SGCZ: variants seen among roughly 807,000 people sequenced by gnomAD.
SGCZ encodes zeta-sarcoglycan.
A neutral mutation model predicts 41.3 loss-of-function variants in SGCZ; 40 were observed. The observed-to-expected ratio is 0.97, with a 90% CI of 0.75 to 1.26. The LOEUF is 1.26. Ranked by LOEUF, SGCZ falls within the 50% of genes most tolerant of loss-of-function variation. The pLI is 0.00. For missense variants in SGCZ, 552 were observed against 369.8 expected, an observed-to-expected ratio of 1.49 and a Z score of -4.04; for synonymous variants, 206 against 137.5, an observed-to-expected ratio of 1.50 and a Z score of -3.49.
chr8:15,132,036 T>C lies in SGCZ; in HGVS notation c.39+105549A>G, dbSNP rs575207605. Among the ~76,000 whole-genome samples the C allele has an allele frequency of 5.3e-5, 8 of 152,346 alleles. No homozygotes were observed. The South Asian group carries it at 1.2e-3, about 24-fold the overall frequency. ...TTCTAGAACAAATGTATAATCATAA[T>C]TCTTTCAATGCATTGGTGGAAGTAC... On this transcript the variant is annotated intron_variant, in intron 1 of 7. Coordinates refer to ENST00000382080, the MANE Select transcript of SGCZ (RefSeq NM_139167.4).
chr8:15,217,579 C>A lies in SGCZ; in HGVS notation c.39+20006G>T, dbSNP rs569364298. ...GGGTTATAACCAAGATTCTTGCCCC[C>A]CCTTGTCCCAATTTGCATACTTAAA... On this transcript the variant is annotated intron_variant, in intron 1 of 7. Transcript: ENST00000382080. Among the ~76,000 whole-genome samples the A allele has an allele frequency of 3.9e-5, 6 of 152,152 alleles. No individual in the cohort carries two copies. In the South Asian group the frequency reaches 6.2e-4, roughly 16 times the overall value.
At chr8:15,160,885 T>C (rs988847007) in intron 1 of SGCZ, among the ~76,000 whole-genome samples, 1 of 152,076 alleles carries the variant, frequency 6.6e-6, no homozygotes, top group African/African-American at 2.4e-5. Flanking sequence ...GAGACAGTCT[T>C]GCTTTGTCAC....
At chr8:15,230,968 C>G (rs2053647832) in intron 1 of SGCZ, among the ~76,000 whole-genome samples, 1 of 152,296 alleles carries the variant, frequency 6.6e-6, no homozygotes, top group Admixed American at 6.5e-5. Flanking sequence ...ACGGCAGAGC[C>G]AGGGTTTGAA....
chr8:15,178,271 T>A (rs191871451), intron 1 of SGCZ, among the ~76,000 whole-genome samples: 1 of 152,152 alleles, frequency 6.6e-6, no homozygotes, highest in Non-Finnish European at 1.5e-5. Flanking sequence ...TGCAAGAGCA[T>A]TACATTTTTC....
intron 1 of SGCZ, among the ~76,000 whole-genome samples, chr8:14,919,680 G>A (rs750383033): frequency 6.6e-6 from 1 of 152,144 alleles, no homozygotes; most frequent in Non-Finnish European, 1.5e-5. Flanking sequence ...CACTTTGGGA[G>A]GACGAGGCAG....
At chr8:15,141,580 G>C (rs1001488498) in intron 1 of SGCZ, among the ~76,000 whole-genome samples, 1 of 152,184 alleles carries the variant, frequency 6.6e-6, no homozygotes, top group African/African-American at 2.4e-5. Flanking sequence ...ATCTTCCTTA[G>C]AAGGCTCTGC....
At chr8:14,310,619 G>A (rs1461011551) in intron 3 of SGCZ, among the ~76,000 whole-genome samples, 3 of 152,006 alleles carry the variant, frequency 2.0e-5, no homozygotes, top group African/African-American at 7.2e-5. Context: ...AAGGAGTAAA[G>A]CAGTCCCATT....
intron 1 of SGCZ, among the ~76,000 whole-genome samples, chr8:14,602,063 T>C (rs893050611): frequency 4.6e-5 from 7 of 151,866 alleles, no homozygotes; most frequent in African/African-American, 1.2e-4. Flanking sequence ...GAGCTTGCAG[T>C]GAGCCGAGAT....
chr8:15,047,063 C>T (rs1283718740), intron 1 of SGCZ, among the ~76,000 whole-genome samples: 1 of 151,968 alleles, frequency 6.6e-6, no homozygotes, highest in African/African-American at 2.4e-5. Context: ...TTTGATAGTT[C>T]TAAGGCTTTG....
At chr8:14,463,007 A>T (rs183403955) in intron 2 of SGCZ, among the ~76,000 whole-genome samples, 125 of 151,890 alleles carry the variant, frequency 8.2e-4, no homozygotes, top group African/African-American at 3.0e-3. Context: ...TAATGTATAA[A>T]ATACAACTGA....
chr8:14,970,532 C>T (rs1299236589), intron 1 of SGCZ, among the ~76,000 whole-genome samples: 1 of 152,086 alleles, frequency 6.6e-6, no homozygotes, highest in Admixed American at 6.5e-5. Context: ...ATATGAATAG[C>T]TAGTAATTCC....
chr8:15,108,138 GATTA>G (rs1806901959), intron 1 of SGCZ, among the ~76,000 whole-genome samples: 1 of 151,870 alleles, frequency 6.6e-6, no homozygotes, highest in African/African-American at 2.4e-5. Context: ...TTTTTATCTT[GATTA>G]ATTTATTCCT....
chr8:14,869,754 A>C (rs1432968918), intron 1 of SGCZ, among the ~76,000 whole-genome samples: 1 of 152,178 alleles, frequency 6.6e-6, no homozygotes, highest in Non-Finnish European at 1.5e-5. Flanking sequence ...CAGGATACAC[A>C]ATCAATGTGA....
chr8:14,128,021 T>A (rs2117050561), intron 5 of SGCZ, among the ~76,000 whole-genome samples: 1 of 152,326 alleles, frequency 6.6e-6, no homozygotes, highest in South Asian at 2.1e-4. Flanking sequence ...GAATATACGG[T>A]ATTTGGTTTT....
intron 5 of SGCZ, among the ~76,000 whole-genome samples, chr8:14,153,436 G>C (rs1465286512): frequency 6.6e-6 from 1 of 152,072 alleles, no homozygotes; most frequent in Non-Finnish European, 1.5e-5. Context: ...TACCTAACCT[G>C]GTCAGAGTAA....
chr8:14,202,403 G>T (rs1805483243), intron 4 of SGCZ, among the ~76,000 whole-genome samples: 1 of 152,034 alleles, frequency 6.6e-6, no homozygotes, highest in African/African-American at 2.4e-5. Flanking sequence ...ATTTTGTGGT[G>T]GTGTAAGACA....
intron 1 of SGCZ, among the ~76,000 whole-genome samples, chr8:15,061,585 C>A (rs1195033388): frequency 6.6e-6 from 1 of 151,728 alleles, no homozygotes; most frequent in Non-Finnish European, 1.5e-5. Flanking sequence ...GCTTGAGAGA[C>A]TGGATTCATT....
intron 2 of SGCZ, among the ~76,000 whole-genome samples, chr8:14,328,812 G>A (rs1775198884): frequency 6.6e-6 from 1 of 152,168 alleles, no homozygotes; most frequent in Admixed American, 6.5e-5. Context: ...TATTAGGCCA[G>A]GAGGGCTCCT....
chr8:15,168,122 G>A (rs1322781146), intron 1 of SGCZ, among the ~76,000 whole-genome samples: 2 of 152,010 alleles, frequency 1.3e-5, no homozygotes, highest in East Asian at 3.9e-4. Flanking sequence ...CTTAGCATTT[G>A]GCTTATGTTA....
Sources: allele counts gnomAD v4.1 joint callset (sites outside exome capture counted in the v4.1 genomes callset), GRCh38; gene constraint gnomAD v4.1.1; transcripts MANE v1.5; gene names NCBI Gene and HGNC (gene_info 2026-07-23, HGNC 2026-07-21).